Variants in ZNF732 observed in about 807,000 individuals in gnomAD.
ZNF732 encodes zinc finger protein LOC654254.
Under a neutral mutation model 11.5 loss-of-function variants are expected in ZNF732, and 12 were observed. The observed-to-expected ratio is 1.05, with a 90% CI of 0.67 to 1.70. ZNF732 has a LOEUF of 1.70. Ranked by LOEUF, ZNF732 falls within the 40% of genes most tolerant of loss-of-function variation. ZNF732 has a pLI of 0.00. For synonymous variants in ZNF732, 231 were observed against 236.5 expected, an observed-to-expected ratio of 0.98 and a Z score of 0.21; for missense variants, 702 against 676.9, an observed-to-expected ratio of 1.04 and a Z score of -0.41.
chr4:284,599 G>A (rs1166510348), intron 3 of ZNF732, among the ~76,000 whole-genome samples: 1 of 151,976 alleles, frequency 6.6e-6, no homozygotes, highest in Non-Finnish European at 1.5e-5. Context: ...AATACTGGGT[G>A]CAGTGGCTCA....
At chr4:304,741 A>C (rs948846583) in intron 1 of ZNF732, among the ~76,000 whole-genome samples, 1 of 152,236 alleles carries the variant, frequency 6.6e-6, no homozygotes, top group Non-Finnish European at 1.5e-5. Context: ...AAAAGATGCC[A>C]CTCAGGAACA....
At chr4:281,031 T>C (rs1278906930) in intron 3 of ZNF732, among the ~76,000 whole-genome samples, 3 of 152,162 alleles carry the variant, frequency 2.0e-5, no homozygotes, top group African/African-American at 7.2e-5. Flanking sequence ...GATCTTGACG[T>C]GGCACTATAA....
At chr4:274,609 C>G (rs1414343292) in intron 3 of ZNF732, among the ~76,000 whole-genome samples, 1 of 151,422 alleles carries the variant, frequency 6.6e-6, no homozygotes, top group Non-Finnish European at 1.5e-5. Flanking sequence ...AAACAAGATC[C>G]AACTTGCTTT....
At chr4:276,480 G>T (rs1321360024) in intron 3 of ZNF732, among the ~76,000 whole-genome samples, 1 of 151,732 alleles carries the variant, frequency 6.6e-6, no homozygotes, top group African/African-American at 2.4e-5. Flanking sequence ...AATCTTTATT[G>T]CACTGAAGTA....
chr4:275,305 T>G (rs1340693114), intron 3 of ZNF732, among the ~76,000 whole-genome samples: 1 of 151,748 alleles, frequency 6.6e-6, no homozygotes, highest in African/African-American at 2.4e-5. Context: ...GTTCAAAGTT[T>G]GAAATAATGA....
Position 270,989 on chromosome 4 carries a change from A to G in ZNF732, c.*110T>C. ...TTCATTCAGGGTTGTGGACCATCCA[A>G]AAGCTTTGCCACATTCTTCACATTT... is the stretch of plus-strand genomic sequence containing the variant. On this transcript the variant is annotated 3_prime_UTR_variant, in exon 4 of 4. Transcript: ENST00000419098. 3 of 987,924 alleles carry G rather than the reference A, an allele frequency of 3.0e-6. No homozygotes were observed. The highest frequency in any genetic ancestry group is 4.6e-6 in the Non-Finnish European group (3 of 656,470). The allele number at this position is 987,924 out of a possible 1,614,324, so 61.2% of individuals were successfully genotyped here. A position where few individuals can be genotyped will look rare whatever the true frequency, so the allele number is the denominator to read the frequency against.
intron 3 of ZNF732, among the ~76,000 whole-genome samples, chr4:275,877 A>G: frequency 6.6e-6 from 1 of 151,914 alleles, no homozygotes; most frequent in South Asian, 2.1e-4. Context: ...AATAAAAAAC[A>G]GAATTGTTTG....
chr4:287,960 T>A (rs1553840844), intron 3 of ZNF732, among the ~76,000 whole-genome samples: 1 of 151,898 alleles, frequency 6.6e-6, no homozygotes, highest in Non-Finnish European at 1.5e-5. Context: ...TTTTTTTTGC[T>A]TTATATTGGC....
chr4:298,984 G>C (rs1553842964), intron 1 of ZNF732, among the ~76,000 whole-genome samples: 1 of 152,078 alleles, frequency 6.6e-6, no homozygotes, highest in Admixed American at 6.6e-5. Context: ...AACTCAAAGA[G>C]CTCCACCTAT....
At position 272,353 on chromosome 4, in the gene ZNF732, G is replaced by C. The variant is rs781842275; in HGVS notation, c.504C>G (p.His168Gln). ...GAAATGACTTGCCACATTCTTTAAA[G>C]TGTTTCTCTCCAGTATGTCTTATCC... ...QRRIRHTGEK[H>Q]FKECGKSFQK... Residue 168 changes from histidine to glutamine, a missense_variant, in exon 4 of 4, where the codon CAC becomes CAG. Coordinates refer to ENST00000419098, the MANE Select transcript of ZNF732 (RefSeq NM_001137608.3). 1.2e-6 allele frequency: 2 copies of C among 1,607,884 alleles called. No individual in the cohort carries two copies. Among genetic ancestry groups the C allele is most frequent in the Non-Finnish European group, 8.5e-7 (1 of 1,176,458 alleles).
intron 1 of ZNF732, among the ~76,000 whole-genome samples, chr4:299,344 T>TATATATACAC (rs138408389): frequency 2.3e-5 from 3 of 130,406 alleles, no homozygotes; most frequent in African/African-American, 6.3e-5. Context: ...CAGTTATGAG[T>TATATATACAC]ATATATACAC....
At chr4:296,375 C>T (rs1719952974) in intron 1 of ZNF732, among the ~76,000 whole-genome samples, 1 of 152,020 alleles carries the variant, frequency 6.6e-6, no homozygotes, top group Admixed American at 6.6e-5. Flanking sequence ...ACTGACCTGC[C>T]CCTACCAAAA....
At chr4:284,257 C>T (rs1719679019) in intron 3 of ZNF732, among the ~76,000 whole-genome samples, 1 of 151,558 alleles carries the variant, frequency 6.6e-6, no homozygotes, top group Non-Finnish European at 1.5e-5. Context: ...AATGAGAAAT[C>T]AATAGCAGAG....
At chr4:288,859 C>T (rs2108657173) in intron 3 of ZNF732, among the ~76,000 whole-genome samples, 1 of 152,290 alleles carries the variant, frequency 6.6e-6, no homozygotes, top group South Asian at 2.1e-4. Context: ...TGAGACCATC[C>T]TGGCTAACAC....
Position 272,145 on chromosome 4 carries a change from AGTTTGAGGATGTGGTAAAGATGTT to A in ZNF732, c.688_711del (p.Asn230_Asn237del), listed in dbSNP as rs1553837795. 6.2e-7 allele frequency: 1 copy of A among 1,611,624 alleles called. No individual in the cohort carries two copies. The highest frequency in any genetic ancestry group is 1.7e-5 in the Admixed American group (1 of 59,814). Reference sequence around the variant, plus strand: ...CCAGTATGAACTTTATGTTTAGCAAAGTTTGAGGATGTGGTAAAGATGTTGCCACATTCTTCACATGTGAAGGGT... The same window carrying A: ...CCAGTATGAACTTTATGTTTAGCAAAGCCACATTCTTCACATGTGAAGGGT... On this transcript the variant is annotated inframe_deletion, in exon 4 of 4. Coordinates refer to ENST00000419098, the MANE Select transcript of ZNF732 (RefSeq NM_001137608.3).
Position 271,042 on chromosome 4 carries a change from CT to C in ZNF732, c.*56del, listed in dbSNP as rs1560154633. The C allele has an allele frequency of 4.5e-6, 6 of 1,329,336 alleles. No individual in the cohort carries two copies. The highest frequency in any genetic ancestry group is 5.1e-6 in the Non-Finnish European group (5 of 978,810). The allele number at this position is 1,329,336 out of a possible 1,614,324, so 82.3% of individuals were successfully genotyped here. ...ATAGTTTATTTCCAGTATAAATTTT[CT>C]TATGTTCATTCAGGTTTGTGGATCA... On this transcript the variant is annotated 3_prime_UTR_variant, in exon 4 of 4. Coordinates refer to ENST00000419098, the MANE Select transcript of ZNF732 (RefSeq NM_001137608.3).
At chr4:282,968 T>TA (rs1340514451) in intron 3 of ZNF732, among the ~76,000 whole-genome samples, 2 of 152,034 alleles carry the variant, frequency 1.3e-5, no homozygotes, top group Non-Finnish European at 2.9e-5. Context: ...CCTTTAAATA[T>TA]AAAAAAAATT....
At chr4:299,452 CACATATGTGTATATATATAT>C (rs1720050696) in intron 1 of ZNF732, among the ~76,000 whole-genome samples, 13 of 65,578 alleles carry the variant, frequency 2.0e-4, no homozygotes, top group Admixed American at 1.8e-3. Context: ...TATATATATA[CACATATGTGTATATATATAT>C]ACACATATAT....
intron 1 of ZNF732, among the ~76,000 whole-genome samples, chr4:303,597 C>A (rs1269376310): frequency 1.3e-5 from 2 of 152,178 alleles, no homozygotes; most frequent in Non-Finnish European, 2.9e-5. Flanking sequence ...GCCTGGGCAA[C>A]AGAGTGAGAC....
Sources: gnomAD v4.1 joint callset for allele counts (sites outside exome capture counted in the v4.1 genomes callset) on GRCh38, gnomAD v4.1.1 for gene constraint, MANE v1.5 for transcripts, NCBI Gene and HGNC (gene_info 2026-07-23, HGNC 2026-07-21) for gene names.